The following DENND1A variants were observed in gnomAD, a reference collection of about 807,000 sequenced individuals.
The protein encoded by DENND1A is DENN domain-containing protein 1A.
A neutral mutation model predicts 113.7 loss-of-function variants in DENND1A; 51 were observed. The observed-to-expected ratio is 0.45, with a 90% CI of 0.36 to 0.57. The LOEUF is 0.57. DENND1A is among the 20% of genes least tolerant of loss of function. DENND1A has a pLI of 0.00. For missense variants in DENND1A, 1,258 were observed against 1,395.9 expected, an observed-to-expected ratio of 0.90 and a Z score of 1.57; for synonymous variants, 565 against 570.8, an observed-to-expected ratio of 0.99 and a Z score of 0.14.
chr9:123,383,511 A>G (rs2042392717), intron 23 of DENND1A, 144 bp downstream of exon 23: 1 of 1,321,340 alleles, frequency 7.6e-7, no homozygotes, highest in South Asian at 1.4e-5. Flanking sequence ...AGGTGTTTAC[A>G]GTCACACTGA....
At chr9:123,661,921 C>T (rs1315872387) in intron 8 of DENND1A, among the ~76,000 whole-genome samples, 3 of 152,010 alleles carry the variant, frequency 2.0e-5, no homozygotes, top group Non-Finnish European at 4.4e-5. Context: ...GATATTTTAA[C>T]ATTCTATCAT....
intron 1 of DENND1A, among the ~76,000 whole-genome samples, chr9:123,890,591 T>G (rs1024980471): frequency 6.6e-6 from 1 of 152,224 alleles, no homozygotes; most frequent in African/African-American, 2.4e-5. Context: ...AACACTTAAA[T>G]ATGTGTCAGA....
intron 2 of DENND1A, among the ~76,000 whole-genome samples, chr9:123,798,687 C>T (rs1834132754): frequency 8.6e-6 from 1 of 115,864 alleles, no homozygotes; most frequent in South Asian, 2.7e-4. Flanking sequence ...CCAAAGGGAG[C>T]TTTAAAATGC....
intron 5 of DENND1A, among the ~76,000 whole-genome samples, chr9:123,740,899 T>TGAGACAGA (rs1554727813): frequency 9.2e-6 from 1 of 108,870 alleles, no homozygotes; most frequent in Non-Finnish European, 1.8e-5. Flanking sequence ...GAAGGGAAAG[T>TGAGACAGA]GAGAGAGAGA....
intron 20 of DENND1A, chr9:123,411,477 C>G (rs1004198097): frequency 6.6e-6 from 1 of 152,326 alleles, no homozygotes; most frequent in Non-Finnish European, 1.5e-5. Flanking sequence ...GGCTTCCAAC[C>G]CATTGCTCAC....
intron 13 of DENND1A, among the ~76,000 whole-genome samples, chr9:123,476,238 TA>T (rs2049902896): frequency 6.6e-6 from 1 of 151,948 alleles, no homozygotes; most frequent in Non-Finnish European, 1.5e-5. Context: ...GTAAGTGTCT[TA>T]ATATTGAGAT....
intron 1 of DENND1A, among the ~76,000 whole-genome samples, chr9:123,907,579 G>C (rs1460532111): frequency 7.0e-6 from 1 of 141,932 alleles, no homozygotes; most frequent in Non-Finnish European, 1.5e-5. Flanking sequence ...CAAATCATGA[G>C]TGAACTCCCA....
At chr9:123,456,149 G>A (rs2048103502) in intron 15 of DENND1A, among the ~76,000 whole-genome samples, 1 of 152,054 alleles carries the variant, frequency 6.6e-6, no homozygotes, top group African/African-American at 2.4e-5. Flanking sequence ...CAGGCTGGGA[G>A]GGCCTGCAAT....
At chr9:123,504,627 T>C (rs1416443570) in intron 13 of DENND1A, among the ~76,000 whole-genome samples, 1 of 152,210 alleles carries the variant, frequency 6.6e-6, no homozygotes, top group African/African-American at 2.4e-5. Context: ...GAATACAGAA[T>C]CTGAGGGAGG....
intron 10 of DENND1A, among the ~76,000 whole-genome samples, chr9:123,626,384 C>T (rs550071615): frequency 1.3e-5 from 2 of 151,870 alleles, no homozygotes; most frequent in South Asian, 4.2e-4. Flanking sequence ...GCAGGTTCTA[C>T]ATGCTAAGGG....
intron 12 of DENND1A, among the ~76,000 whole-genome samples, chr9:123,582,841 C>T (rs4836934): frequency 2.0e-5 from 3 of 151,886 alleles, no homozygotes; most frequent in African/African-American, 7.2e-5. Flanking sequence ...TGGGATTACA[C>T]GCATGCACCA....
At chr9:123,614,593 A>G (rs2060561456) in intron 10 of DENND1A, among the ~76,000 whole-genome samples, 1 of 147,510 alleles carries the variant, frequency 6.8e-6, no homozygotes, top group Admixed American at 6.8e-5. Flanking sequence ...TGGCTGCTTA[A>G]AAAAAAAAAA....
At chr9:123,484,931 C>T (rs895188645) in intron 13 of DENND1A, among the ~76,000 whole-genome samples, 3 of 152,218 alleles carry the variant, frequency 2.0e-5, no homozygotes, top group Non-Finnish European at 4.4e-5. Flanking sequence ...CGCCCCCTCC[C>T]CTCTTCTGTA....
intron 16 of DENND1A, 56 bp downstream of exon 16, chr9:123,454,683 G>A: frequency 6.6e-7 from 1 of 1,525,572 alleles, no homozygotes; most frequent in Non-Finnish European, 8.9e-7. Flanking sequence ...GAAGCGGAAG[G>A]CTGCCAGGAA....
At chr9:123,609,552 C>A in intron 10 of DENND1A, 71 bp from the exon 11 acceptor site, 2 of 1,545,954 alleles carry the variant, frequency 1.3e-6, no homozygotes, top group South Asian at 2.4e-5. Flanking sequence ...ACAGATGGTT[C>A]ACTATTTGGA....
At chr9:123,643,341 C>T (rs184895165) in intron 9 of DENND1A, among the ~76,000 whole-genome samples, 57 of 152,220 alleles carry the variant, frequency 3.7e-4, no homozygotes, top group Admixed American at 3.7e-3. Context: ...CTAATTAGGT[C>T]GTGGTCTTGC....
intron 11 of DENND1A, among the ~76,000 whole-genome samples, chr9:123,587,669 C>T (rs2136937949): frequency 6.6e-6 from 1 of 152,338 alleles, no homozygotes; most frequent in Admixed American, 6.5e-5. Context: ...CACGTCCATT[C>T]ATAGGTTCTC....
At chr9:123,515,505 T>C (rs537567321) in intron 13 of DENND1A, among the ~76,000 whole-genome samples, 3 of 152,312 alleles carry the variant, frequency 2.0e-5, no homozygotes, top group African/African-American at 7.2e-5. Context: ...ACAGTGTGCA[T>C]ATATTTAGAA....
chr9:123,744,168 T>C (rs909111993), intron 5 of DENND1A, among the ~76,000 whole-genome samples: 11 of 152,240 alleles, frequency 7.2e-5, no homozygotes, highest in Admixed American at 2.0e-4. Context: ...AAAACACCCA[T>C]GATAACATTA....
Sources: allele counts gnomAD v4.1 joint callset (sites outside exome capture counted in the v4.1 genomes callset), GRCh38; gene constraint gnomAD v4.1.1; transcripts MANE v1.5; gene names NCBI Gene and HGNC (gene_info 2026-07-23, HGNC 2026-07-21).